MARCHF1: variants seen among roughly 807,000 people sequenced by gnomAD.
The protein encoded by MARCHF1 is membrane associated ring-CH-type finger 1, also known as E3 ubiquitin-protein ligase MARCHF1.
Under a neutral mutation model 54.2 loss-of-function variants are expected in MARCHF1, and 40 were observed. The observed-to-expected ratio is 0.74, with a 90% CI of 0.57 to 0.96. The LOEUF (loss-of-function observed/expected upper bound fraction) is 0.96. Ranked by LOEUF, MARCHF1 falls within the 40% of genes least tolerant of loss-of-function variation. The probability of loss-of-function intolerance (pLI) is 0.00; values close to 1 mark genes in which losing one functional copy is unlikely to be tolerated. For synonymous variants in MARCHF1, 236 were observed against 236.3 expected (o/e 1.00, Z 0.01); for missense variants, 586 against 656.5 (o/e 0.89, Z 1.17).
chr4:163,650,593 T>C (rs1237896685), intron 5 of MARCHF1, among the ~76,000 whole-genome samples: 1 of 151,856 alleles, frequency 6.6e-6, no homozygotes, highest in East Asian at 1.9e-4. Context: ...CTCTTCTTTC[T>C]TAAGATTGTT....
At chr4:164,256,475 T>C (rs1280275113) in intron 1 of MARCHF1, among the ~76,000 whole-genome samples, 1 of 148,730 alleles carries the variant, frequency 6.7e-6, no homozygotes, top group African/African-American at 2.5e-5. Context: ...AAAAGAAAGA[T>C]TATAATGAAG....
At chr4:164,111,091 C>T (rs1018250760) in intron 2 of MARCHF1, among the ~76,000 whole-genome samples, 8 of 151,842 alleles carry the variant, frequency 5.3e-5, no homozygotes, top group African/African-American at 1.9e-4. Context: ...ATATCAAACT[C>T]ATATAGTGCA....
At chr4:163,724,733 G>T (rs1001368957) in intron 4 of MARCHF1, among the ~76,000 whole-genome samples, 1 of 152,184 alleles carries the variant, frequency 6.6e-6, no homozygotes, top group Non-Finnish European at 1.5e-5. Context: ...CAGCCTCGCT[G>T]CCACCTTGCA....
At chr4:164,307,642 A>G (rs1734732122) in intron 1 of MARCHF1, among the ~76,000 whole-genome samples, 2 of 152,220 alleles carry the variant, frequency 1.3e-5, no homozygotes, top group Admixed American at 6.5e-5. Context: ...TAATTCAACA[A>G]CAACAAAAAT....
chr4:164,122,918 G>A (rs1048829935), intron 1 of MARCHF1, among the ~76,000 whole-genome samples: 1 of 152,126 alleles, frequency 6.6e-6, no homozygotes, highest in Non-Finnish European at 1.5e-5. Context: ...CAAAGTACTG[G>A]AAGTGTTAGC....
At chr4:163,859,114 A>T (rs142481712) in intron 3 of MARCHF1, among the ~76,000 whole-genome samples, 2 of 152,302 alleles carry the variant, frequency 1.3e-5, no homozygotes, top group Admixed American at 6.5e-5. Context: ...AATAATCATG[A>T]CTTGTAATGA....
At chr4:163,777,206 A>G (rs1747332790) in intron 4 of MARCHF1, among the ~76,000 whole-genome samples, 1 of 152,156 alleles carries the variant, frequency 6.6e-6, no homozygotes, top group Non-Finnish European at 1.5e-5. Flanking sequence ...TCTGAAGATG[A>G]ATGGGTTTTT....
chr4:163,875,033 C>T (rs1012458699), intron 3 of MARCHF1, among the ~76,000 whole-genome samples: 1 of 152,174 alleles, frequency 6.6e-6, no homozygotes, highest in Non-Finnish European at 1.5e-5. Flanking sequence ...TTCTGAATCT[C>T]TGAAAATTTT....
At position 163,550,089 on chromosome 4, in the gene MARCHF1, C is replaced by A. The variant is rs148976801; in HGVS notation, c.1192-4346G>T. On this transcript the variant is annotated intron_variant, in intron 8 of 9. Transcript: ENST00000514618. ...CCTGAGCGCAGGAGTTCGCCACCAA[C>A]CTGGGCAACACGGTGAAACCCCGTC... 6.9e-3 allele frequency among the ~76,000 whole-genome samples: 1,054 copies of A among 152,202 alleles called. 18 individuals carry two copies. The highest frequency in any genetic ancestry group is 0.024 in the African/African-American group (1,014 of 41,528).
intron 3 of MARCHF1, among the ~76,000 whole-genome samples, chr4:163,854,463 T>A (rs900770466): frequency 4.6e-5 from 7 of 152,214 alleles, no homozygotes; most frequent in African/African-American, 1.7e-4. Context: ...AGTGTTATTT[T>A]CAGAGATCAG....
At chr4:163,885,432 A>G (rs1021216574) in intron 3 of MARCHF1, among the ~76,000 whole-genome samples, 1 of 152,218 alleles carries the variant, frequency 6.6e-6, no homozygotes, top group Non-Finnish European at 1.5e-5. Context: ...TACAACTCAT[A>G]GGAAAAAGGA....
intron 4 of MARCHF1, among the ~76,000 whole-genome samples, chr4:163,831,995 A>G (rs112092801): frequency 0.015 from 2,218 of 152,278 alleles, 46 homozygotes; most frequent in African/African-American, 0.047. Flanking sequence ...TATGATTTGG[A>G]AAGAAAACTT....
At chr4:163,937,514 A>C (rs575576807) in intron 3 of MARCHF1, among the ~76,000 whole-genome samples, 1 of 151,366 alleles carries the variant, frequency 6.6e-6, no homozygotes, top group Non-Finnish European at 1.5e-5. Flanking sequence ...AAATATAAAT[A>C]TATACATATA....
chr4:164,133,073 C>A (rs1012785825), intron 1 of MARCHF1, among the ~76,000 whole-genome samples: 31 of 152,134 alleles, frequency 2.0e-4, no homozygotes, highest in African/African-American at 7.2e-4. Flanking sequence ...CAACTGAAAT[C>A]AACTTTCTAA....
intron 1 of MARCHF1, among the ~76,000 whole-genome samples, chr4:164,242,149 C>G (rs1302271845): frequency 6.6e-6 from 1 of 151,506 alleles, no homozygotes; most frequent in Non-Finnish European, 1.5e-5. Flanking sequence ...GCCTGCCTGC[C>G]TCTGTAGGCT....
chr4:164,260,090 G>T (rs35005945), intron 1 of MARCHF1, among the ~76,000 whole-genome samples: 17,664 of 152,028 alleles, frequency 0.12, 1,611 homozygotes, highest in African/African-American at 0.25. Context: ...AAGAAATGTG[G>T]AGATAAATAA....
At chr4:164,323,665 G>T (rs960965394) in intron 1 of MARCHF1, among the ~76,000 whole-genome samples, 1 of 113,524 alleles carries the variant, frequency 8.8e-6, no homozygotes. Flanking sequence ...ATTTATAGAA[G>T]ACATTAAATT....
intron 5 of MARCHF1, among the ~76,000 whole-genome samples, chr4:163,626,056 T>C (rs1741860419): frequency 6.6e-6 from 1 of 152,230 alleles, no homozygotes; most frequent in African/African-American, 2.4e-5. Context: ...GAATAATATG[T>C]TCTTTGAAAT....
chr4:164,070,011 G>T (rs2111088579), intron 2 of MARCHF1, among the ~76,000 whole-genome samples: 1 of 152,292 alleles, frequency 6.6e-6, no homozygotes, highest in African/African-American at 2.4e-5. Flanking sequence ...AGCTAATGCA[G>T]GCACAGAAAA....
Sources: gnomAD v4.1 joint callset for allele counts (sites outside exome capture counted in the v4.1 genomes callset) on GRCh38, gnomAD v4.1.1 for gene constraint, MANE v1.5 for transcripts, NCBI Gene and HGNC (gene_info 2026-07-23, HGNC 2026-07-21) for gene names.